Variants in PDZRN4 observed in about 807,000 individuals in gnomAD.
The protein encoded by PDZRN4 is PDZ domain containing ring finger 4.
A neutral mutation model predicts 99.0 loss-of-function variants in PDZRN4; 70 were observed. The ratio of observed to expected loss-of-function variants is 0.71; its 90% CI spans 0.58 to 0.86. The LOEUF (loss-of-function observed/expected upper bound fraction) is 0.86, where lower values mean the gene tolerates loss of function less well. Among genes scored for constraint, PDZRN4 ranks in the 40% least tolerant of loss-of-function variants. PDZRN4 has a pLI of 0.00. For synonymous variants in PDZRN4, 551 were observed against 501.6 expected (o/e 1.10, Z -1.32); for missense variants, 1,474 against 1,331.2 (o/e 1.11, Z -1.67).
chr12:41,284,623 G>A (rs1382787652), intron 3 of PDZRN4, among the ~76,000 whole-genome samples: 1 of 152,166 alleles, frequency 6.6e-6, no homozygotes, highest in African/African-American at 2.4e-5. Context: ...CAAGGCTACA[G>A]TAACCAAAAC....
At chr12:41,458,658 GA>G (rs1284887660) in intron 3 of PDZRN4, among the ~76,000 whole-genome samples, 8 of 152,158 alleles carry the variant, frequency 5.3e-5, no homozygotes, top group African/African-American at 1.9e-4. Flanking sequence ...GGGAGTTGAG[GA>G]GGATGGACTG....
intron 3 of PDZRN4, among the ~76,000 whole-genome samples, chr12:41,223,216 T>C (rs987844721): frequency 1.3e-5 from 2 of 152,178 alleles, no homozygotes; most frequent in Admixed American, 1.3e-4. Context: ...TAGGTTTATT[T>C]GTATCCAGAG....
chr12:41,313,689 C>T (rs965656054), intron 3 of PDZRN4, among the ~76,000 whole-genome samples: 2 of 152,230 alleles, frequency 1.3e-5, no homozygotes, highest in African/African-American at 4.8e-5. Flanking sequence ...CTGTCCATCA[C>T]ATTGCTGTGT....
intron 3 of PDZRN4, among the ~76,000 whole-genome samples, chr12:41,280,523 T>G (rs1410725246): frequency 6.6e-6 from 1 of 152,056 alleles, no homozygotes; most frequent in Admixed American, 6.5e-5. Flanking sequence ...TCGAGCTTGG[T>G]GCGGGGAGGG....
chr12:41,260,995 G>GA (rs1207995188), intron 3 of PDZRN4, among the ~76,000 whole-genome samples: 3 of 151,754 alleles, frequency 2.0e-5, no homozygotes, highest in Admixed American at 1.3e-4. Flanking sequence ...CTTTTAATTA[G>GA]AAAAAAACAT....
At chr12:41,493,901 TG>T (rs149736537) in intron 3 of PDZRN4, among the ~76,000 whole-genome samples, 39,380 of 138,400 alleles carry the variant, frequency 0.28, 5,680 homozygotes, top group African/African-American at 0.39. Flanking sequence ...AAAAAAATAA[TG>T]GGGGGGGGGA....
At chr12:41,341,989 C>G (rs1951821793) in intron 3 of PDZRN4, among the ~76,000 whole-genome samples, 1 of 151,752 alleles carries the variant, frequency 6.6e-6, no homozygotes, top group Admixed American at 6.6e-5. Context: ...ATGGTACTGT[C>G]ATAAAAACAA....
At chr12:41,365,122 C>G (rs1326327653) in intron 3 of PDZRN4, among the ~76,000 whole-genome samples, 4 of 151,826 alleles carry the variant, frequency 2.6e-5, no homozygotes, top group African/African-American at 9.7e-5. Flanking sequence ...TTCTCGAAAA[C>G]TTAAATTTGT....
chr12:41,269,873 G>A (rs566578797), intron 3 of PDZRN4, among the ~76,000 whole-genome samples: 1 of 152,190 alleles, frequency 6.6e-6, no homozygotes, highest in South Asian at 2.1e-4. Flanking sequence ...TCAACACCAG[G>A]TTTTAAACCA....
intron 5 of PDZRN4, among the ~76,000 whole-genome samples, chr12:41,524,461 G>T (rs1316327928): frequency 1.3e-5 from 2 of 152,150 alleles, no homozygotes; most frequent in African/African-American, 4.8e-5. Flanking sequence ...GGAGGAGCTG[G>T]TATTCACATT....
At chr12:41,499,067 A>G (rs1239851898) in intron 3 of PDZRN4, among the ~76,000 whole-genome samples, 2 of 149,220 alleles carry the variant, frequency 1.3e-5, no homozygotes, top group African/African-American at 2.5e-5. Context: ...AGGGAATAGC[A>G]AGAGAGAGAG....
At chr12:41,313,572 T>C (rs1258954860) in intron 3 of PDZRN4, among the ~76,000 whole-genome samples, 10 of 152,154 alleles carry the variant, frequency 6.6e-5, no homozygotes, top group Non-Finnish European at 1.0e-4. Context: ...ACTCCACTTT[T>C]CAATCTTCAC....
intron 3 of PDZRN4, among the ~76,000 whole-genome samples, chr12:41,449,860 G>A (rs1235562576): frequency 6.6e-6 from 1 of 151,876 alleles, no homozygotes; most frequent in Non-Finnish European, 1.5e-5. Context: ...ATTTTACGTG[G>A]TTTTTGTCCA....
intron 3 of PDZRN4, among the ~76,000 whole-genome samples, chr12:41,318,667 T>A (rs186214821): frequency 1.3e-5 from 2 of 152,166 alleles, no homozygotes. Context: ...GATTTATTGG[T>A]TGTGCTTTTT....
intron 3 of PDZRN4, among the ~76,000 whole-genome samples, chr12:41,483,012 T>C (rs973224881): frequency 6.6e-6 from 1 of 151,790 alleles, no homozygotes; most frequent in Admixed American, 6.6e-5. Context: ...ATATTGATAT[T>C]AAAAATTATA....
intron 3 of PDZRN4, among the ~76,000 whole-genome samples, chr12:41,194,665 T>C (rs1046527560): frequency 2.0e-5 from 3 of 152,158 alleles, no homozygotes; most frequent in African/African-American, 7.2e-5. Flanking sequence ...AGTAAAACTC[T>C]ATTATGATTC....
intron 3 of PDZRN4, among the ~76,000 whole-genome samples, chr12:41,408,384 G>T (rs1044851929): frequency 2.6e-5 from 4 of 152,120 alleles, no homozygotes; most frequent in Admixed American, 2.6e-4. Context: ...AGCTGCTCTG[G>T]GTAAAGTACA....
Position 41,210,033 on chromosome 12 carries a change from A to G in PDZRN4, c.843+15845A>G, listed in dbSNP as rs367721401. 1.5e-3 allele frequency among the ~76,000 whole-genome samples: 228 copies of G among 151,968 alleles called. 2 individuals carry two copies. The East Asian group carries it at 0.029, about 20-fold the overall frequency. On this transcript the variant is annotated intron_variant, in intron 3 of 9. Transcript: ENST00000402685. ...GTTGTTTCCTGACTCTTTAATGATC[A>G]CCATTCTAACTGGTGTGAGATGGTA...
chr12:41,422,853 G>A (rs1444464943), intron 3 of PDZRN4, among the ~76,000 whole-genome samples: 2 of 152,124 alleles, frequency 1.3e-5, no homozygotes, highest in Non-Finnish European at 2.9e-5. Flanking sequence ...ATGTGTGTGT[G>A]TGTACACACA....
Sources: gnomAD v4.1 joint callset for allele counts (sites outside exome capture counted in the v4.1 genomes callset) on GRCh38, gnomAD v4.1.1 for gene constraint, MANE v1.5 for transcripts, NCBI Gene and HGNC (gene_info 2026-07-23, HGNC 2026-07-21) for gene names.